MICAL1: variants seen among roughly 807,000 people sequenced by gnomAD.
MICAL1 encodes microtubule associated monooxygenase, calponin and LIM domain containing 1.
In MICAL1, 95 loss-of-function variants were observed where a neutral mutation model predicts 131.8. That is an observed-to-expected ratio of 0.72 (90% CI 0.61 to 0.86). MICAL1 has a LOEUF of 0.86. Among genes scored for constraint, MICAL1 ranks in the 40% least tolerant of loss-of-function variants. MICAL1 has a pLI of 0.00. For missense variants in MICAL1, 1,292 were observed against 1,380.6 expected, an observed-to-expected ratio of 0.94 and a Z score of 1.02; for synonymous variants, 546 against 554.2, an observed-to-expected ratio of 0.99 and a Z score of 0.21.
At chr6:109,448,421 C>A in intron 12 of MICAL1, 28 bp from the exon 13 acceptor site, 1 of 1,610,156 alleles carries the variant, frequency 6.2e-7, no homozygotes, top group East Asian at 2.2e-5. Flanking sequence ...GAAAAGCCAA[C>A]TAGAGACAAG....
chr6:109,444,316 G>A lies in MICAL1; in HGVS notation c.3079C>T (p.Arg1027Trp), dbSNP rs368801401. ...CTCAGGACCTGGTCCTCAGCCTGCCGATCAGCAGCTGTCTTTAGGTTTTCT... is the reference window on the plus strand; with the variant it reads ...CTCAGGACCTGGTCCTCAGCCTGCCAATCAGCAGCTGTCTTTAGGTTTTCT... ...REENLKTAAD[R>W]QAEDQVLRKL... The change falls in exon 25 of 25, where the codon CGG becomes TGG. Residue 1027 changes from arginine (R) to tryptophan (W), a missense_variant. Physicochemically the swap from Arg to Trp is moderately radical, Grantham distance 101. Transcript: ENST00000358807. 1.7e-5 allele frequency: 27 copies of A among 1,613,436 alleles called. No individual in the cohort carries two copies. Among genetic ancestry groups the A allele is most frequent in the East Asian group, 4.5e-5 (2 of 44,894 alleles).
At chr6:109,446,887 G>A (rs888789385) in intron 17 of MICAL1, 115 bp from the exon 18 acceptor site, 2 of 1,265,902 alleles carry the variant, frequency 1.6e-6, no homozygotes, top group Non-Finnish European at 2.2e-6. Flanking sequence ...GTGAATTTCT[G>A]CCAGCCTCCT....
intron 9 of MICAL1, 21 bp downstream of exon 9, chr6:109,449,949 C>T: frequency 6.2e-7 from 1 of 1,612,032 alleles, no homozygotes; most frequent in Non-Finnish European, 8.5e-7. Flanking sequence ...CTGCCCACAT[C>T]CTCCTCAACT....
At chr6:109,448,655 T>C (rs1775360764) in intron 12 of MICAL1, 77 bp downstream of exon 12, 18 of 1,575,658 alleles carry the variant, frequency 1.1e-5, no homozygotes, top group Non-Finnish European at 1.4e-5. Context: ...GGAAGCACAC[T>C]GTCTCTAGGA....
In MICAL1 at chr6:109,453,863, A is replaced by T. The variant is rs776361478; in HGVS notation, c.259-18T>A. The T allele has an allele frequency of 6.2e-7, 1 of 1,612,170 alleles. No homozygotes were observed. The highest frequency in any genetic ancestry group is 8.5e-7 in the Non-Finnish European group (1 of 1,179,222). On this transcript the variant is annotated intron_variant, in intron 2 of 24. Coordinates refer to ENST00000358807, the MANE Select transcript of MICAL1 (RefSeq NM_022765.4). ...ACCAGGCACTGTGAACACACAGGGC[A>T]GTGAGGGCATGGCATCCTGTCCGTC...
At chr6:109,449,112 CAT>C (rs1441427046) in intron 11 of MICAL1, 2 of 667,832 alleles carry the variant, frequency 3.0e-6, no homozygotes, top group South Asian at 1.9e-5. Flanking sequence ...CAACTGGCCA[CAT>C]AGAGGGCAGC....
rs151143974 is a variant in MICAL1, at chr6:109,450,894, G to A, written c.934-337C>T. On this transcript the variant is annotated intron_variant, in intron 7 of 24. Coordinates refer to ENST00000358807, the MANE Select transcript of MICAL1 (RefSeq NM_022765.4). Reference sequence around the variant, plus strand: ...TTTATCAGGGTACTCATGAGAATTAGATGGGAGATGCAAATTTAACTCTCA... The same window carrying A: ...TTTATCAGGGTACTCATGAGAATTAAATGGGAGATGCAAATTTAACTCTCA... Among the ~76,000 whole-genome samples, 237 of 152,324 alleles carry A rather than the reference G, an allele frequency of 1.6e-3. 1 individual carries two copies. Among genetic ancestry groups the A allele is most frequent in the Non-Finnish European group, 2.9e-3 (200 of 68,024 alleles).
In MICAL1 at chr6:109,447,198, C is replaced by A. The variant is rs1370930471; in HGVS notation, c.2102G>T (p.Gly701Val). 6.2e-7 allele frequency: 1 copy of A among 1,614,110 alleles called. No homozygotes were observed. Among genetic ancestry groups the A allele is most frequent in the African/African-American group, 1.3e-5 (1 of 75,062 alleles). ...GCGTTCCAGGACATAGAGGTGTTCC[C>A]CACAAAGTGCACACAGGTCCCCAGC... ...AGAGDLCALC[G>V]EHLYVLERLC... The change falls in exon 17 of 25, where the codon GGG becomes GTG. Residue 701 changes from glycine (G) to valine (V), a missense_variant. Transcript: ENST00000358807.
intron 1 of MICAL1, chr6:109,463,943 T>C (rs1157556030): frequency 6.6e-6 from 1 of 152,184 alleles, no homozygotes; most frequent in Non-Finnish European, 1.5e-5. Context: ...CCAGTGAAAC[T>C]TGACTTATAA....
In MICAL1 at chr6:109,463,722, C is replaced by T. The variant is rs188338295; in HGVS notation, c.14+1942G>A. 587 of 152,050 alleles carry T rather than the reference C, an allele frequency of 3.9e-3. 3 individuals carry two copies. Among genetic ancestry groups the T allele is most frequent in the African/African-American group, 0.014 (572 of 41,484 alleles). The allele number at this position is 152,050 out of a possible 1,614,324, so 9.4% of individuals were successfully genotyped here. A position where few individuals can be genotyped will look rare whatever the true frequency, so the allele number is the denominator to read the frequency against. On this transcript the variant is annotated intron_variant, in intron 1 of 24. Coordinates refer to the MICAL1 transcript ENST00000630715. ...AAAGTGTAAAATACACACCAGATTT[C>T]GAAAGCTTAGTATGAAAAAGAGAAT...
intron 1 of MICAL1, among the ~76,000 whole-genome samples, chr6:109,462,206 C>T (rs748915376): frequency 1.8e-4 from 28 of 152,196 alleles, no homozygotes; most frequent in Non-Finnish European, 3.2e-4. Flanking sequence ...GAGGGAAGGA[C>T]ATGTGAAGAT....
At chr6:109,449,536 CAGGGGT>C in intron 10 of MICAL1, 55 bp from the exon 11 acceptor site, 2 of 1,611,648 alleles carry the variant, frequency 1.2e-6, no homozygotes, top group South Asian at 2.2e-5. Context: ...CCCCTGAGTC[CAGGGGT>C]AAGGGCCTGC....
At chr6:109,452,034 T>C (rs1461658242) in intron 6 of MICAL1, 1 of 1,409,030 alleles carries the variant, frequency 7.1e-7, no homozygotes. Context: ...GGTTCATCTC[T>C]GAGAGATTCC....
rs759678163 is a variant in MICAL1, at chr6:109,444,223, C to T, written c.3172G>A (p.Glu1058Lys). ...TGGGCCCCTGTCCCCAAGGCCAGCT[C>T]GCTGAGCCTGCGCTCCTCCTGGAAG... ...IRFQEERRLS[E>K]LALGTGAQG The change falls in exon 25 of 25, where the codon GAG becomes AAG. Residue 1058 changes from glutamate to lysine, a missense_variant. Glu to Lys is a moderately conservative substitution (Grantham distance 56). Transcript: ENST00000358807. The T allele has an allele frequency of 7.4e-6, 12 of 1,613,466 alleles. No homozygotes were observed. The highest frequency in any genetic ancestry group is 8.5e-6 in the Non-Finnish European group (10 of 1,180,032).
rs1037447402 is a variant in MICAL1 at position 109,450,042 on chromosome 6, G to T, written c.1235C>A (p.Ala412Glu). 51 of 1,614,014 alleles carry T rather than the reference G, an allele frequency of 3.2e-5. No individual in the cohort carries two copies. Among genetic ancestry groups the T allele is most frequent in the Middle Eastern group, 3.3e-4 (2 of 6,084 alleles). The change falls in exon 9 of 25, where the codon GCA becomes GAA. Residue 412 changes from alanine (A) to glutamate (E), a missense_variant. Physicochemically the swap from Ala to Glu is moderately radical, Grantham distance 107 (BLOSUM62 -1). Transcript: ENST00000358807. The stretch of plus-strand genomic sequence containing the variant: ...CACCATCCAGGCTGCATCAAAGGCT[G>T]CCAGGAAGCCCCGTGCCACTCCAGT... The part of the protein sequence containing the change: ...LGTGVARGFL[A>E]AFDAAWMVKR...
At chr6:109,454,367 C>G (rs1285591904) in intron 1 of MICAL1, 128 bp from the exon 2 acceptor site, 1 of 917,426 alleles carries the variant, frequency 1.1e-6, no homozygotes, top group East Asian at 2.7e-5. Context: ...TCTGCTCCTC[C>G]CAGCCCATTC....
chr6:109,446,558 C>G (rs1383459578), intron 18 of MICAL1, 138 bp downstream of exon 18: 10 of 1,349,008 alleles, frequency 7.4e-6, no homozygotes, highest in Non-Finnish European at 2.1e-6. Flanking sequence ...GAAGTGTAAG[C>G]AGACAGGCAT....
chr6:109,459,467 G>C (rs1775836856), upstream of MICAL1, among the ~76,000 whole-genome samples: 1 of 152,186 alleles, frequency 6.6e-6, no homozygotes, highest in African/African-American at 2.4e-5. Flanking sequence ...ATTGGGTGTG[G>C]GGGTCAGGTG....
intron 13 of MICAL1, 54 bp downstream of exon 13, chr6:109,448,149 A>ACG: frequency 6.4e-7 from 1 of 1,560,430 alleles, no homozygotes. Context: ...ACACACACAC[A>ACG]CACACACACA....
Sources: allele counts gnomAD v4.1 joint callset (sites outside exome capture counted in the v4.1 genomes callset), GRCh38; gene constraint gnomAD v4.1.1; transcripts MANE v1.5; gene names NCBI Gene and HGNC (gene_info 2026-07-23, HGNC 2026-07-21).